Variants in RREB1 observed in about 807,000 individuals in gnomAD.
RREB1 encodes ras responsive element binding protein 1.
A neutral mutation model predicts 117.8 loss-of-function variants in RREB1; 27 were observed. The ratio of observed to expected loss-of-function variants is 0.23; its 90% confidence interval spans 0.17 to 0.32. RREB1 has a LOEUF of 0.32. Ranked by LOEUF, RREB1 falls within the 10% of genes least tolerant of loss-of-function variation. RREB1 has a pLI of 1.00. For synonymous variants in RREB1, 1,298 were observed against 1,026.7 expected (o/e 1.26, Z -5.05); for missense variants, 2,577 against 2,378.2 (o/e 1.08, Z -1.74).
intron 10 of RREB1, among the ~76,000 whole-genome samples, chr6:7,234,461 A>G (rs948622733): frequency 9.9e-5 from 15 of 151,938 alleles, no homozygotes; most frequent in Non-Finnish European, 1.9e-4. Context: ...GGTGCCTGAT[A>G]TGTGTTCCCA....
In RREB1 at chr6:7,236,351, G is replaced by T. The variant is rs571307858; in HGVS notation, c.3809-4087G>T. The stretch of plus-strand genomic sequence containing the variant: ...TGCTTTGAGCGCCTTTTTTGAGCCG[G>T]CTCAGGCTTTCCCCCCACACCCTTT... On this transcript the variant is annotated intron_variant, in intron 10 of 12. Coordinates refer to ENST00000379938, the MANE Select transcript of RREB1 (RefSeq NM_001003699.4). 2.3e-3 allele frequency among the ~76,000 whole-genome samples: 348 copies of T among 152,220 alleles called. 2 individuals are homozygous for T. The highest frequency in any genetic ancestry group is 7.9e-3 in the African/African-American group (330 of 41,522).
chr6:7,171,861 G>C (rs1485224472), intron 1 of RREB1, among the ~76,000 whole-genome samples: 1 of 152,144 alleles, frequency 6.6e-6, no homozygotes, highest in African/African-American at 2.4e-5. Flanking sequence ...TAACCAAGGG[G>C]ACTGGTGTGC....
intron 1 of RREB1, among the ~76,000 whole-genome samples, chr6:7,138,851 T>C (rs1477767431): frequency 6.6e-6 from 1 of 152,256 alleles, no homozygotes; most frequent in African/African-American, 2.4e-5. Flanking sequence ...TAATCCTCCG[T>C]AATAAGAGTA....
rs76881622 is a variant in RREB1, at chr6:7,204,871, A to G, written c.426-5933A>G. Among the ~76,000 whole-genome samples the G allele has an allele frequency of 3.9e-3, 591 of 152,354 alleles. 5 individuals carry two copies. The highest frequency in any genetic ancestry group is 0.014 in the African/African-American group (564 of 41,590). ...AATGTCTGAGACCTGCTCTGAGGGC[A>G]GCTATGACTAAGTAATCTTTGGTTT... On this transcript the variant is annotated intron_variant, in intron 6 of 12. Coordinates refer to ENST00000379938, the MANE Select transcript of RREB1 (RefSeq NM_001003699.4).
At chr6:7,218,433 A>G (rs1478002461) in intron 8 of RREB1, 1 of 122,400 alleles carries the variant, frequency 8.2e-6, no homozygotes, top group African/African-American at 4.6e-5. Flanking sequence ...TACTACTGTT[A>G]GTGAGCACTG....
chr6:7,208,468 G>T (rs904512721), intron 6 of RREB1, among the ~76,000 whole-genome samples: 1 of 152,246 alleles, frequency 6.6e-6, no homozygotes, highest in African/African-American at 2.4e-5. Flanking sequence ...TCATCAAGCG[G>T]CTGGAAGGAC....
rs571375500 is a variant in RREB1 at position 7,249,919 on chromosome 6, G to A, written c.*951G>A. 4.6e-5 allele frequency: 7 copies of A among 152,672 alleles called. No homozygotes were observed. In the Middle Eastern group the frequency reaches 0.017, roughly 371 times the overall value. 9.5% of individuals were successfully genotyped at this position (152,672 alleles called of 1,614,324 possible). ...GCCGCACCCAGGTCCCCGTGTTAAC[G>A]TGTGCCTGCGGTTGTGGTTGGCACC... is the stretch of plus-strand genomic sequence containing the variant. On this transcript the variant is annotated 3_prime_UTR_variant, in exon 13 of 13. Transcript: ENST00000379938.
intron 1 of RREB1, among the ~76,000 whole-genome samples, chr6:7,116,857 T>C (rs1469516999): frequency 6.6e-6 from 1 of 152,232 alleles, no homozygotes; most frequent in Admixed American, 6.5e-5. Flanking sequence ...TTACTAATTA[T>C]AACCATTTTT....
chr6:7,166,747 A>G (rs1246033666), intron 1 of RREB1, among the ~76,000 whole-genome samples: 7 of 152,168 alleles, frequency 4.6e-5, no homozygotes, highest in African/African-American at 1.7e-4. Context: ...AATTCTGGGA[A>G]TTCGAAGCCC....
intron 1 of RREB1, among the ~76,000 whole-genome samples, chr6:7,154,077 T>C (rs1314314606): frequency 1.3e-5 from 2 of 152,248 alleles, no homozygotes; most frequent in Admixed American, 1.3e-4. Flanking sequence ...CCAGGAAATA[T>C]GGAAGAATAT....
chr6:7,177,912 G>A (rs1764589619), intron 2 of RREB1, among the ~76,000 whole-genome samples: 1 of 152,068 alleles, frequency 6.6e-6, no homozygotes, highest in Admixed American at 6.6e-5. Flanking sequence ...TAGGGGAGAC[G>A]GGGTTTTGCC....
At chr6:7,156,292 C>T (rs1055956048) in intron 1 of RREB1, among the ~76,000 whole-genome samples, 1 of 152,208 alleles carries the variant, frequency 6.6e-6, no homozygotes, top group Non-Finnish European at 1.5e-5. Flanking sequence ...TGCTTAGGTA[C>T]TTCAGCAGAG....
chr6:7,147,083 C>A (rs768504520), intron 1 of RREB1, among the ~76,000 whole-genome samples: 1 of 152,132 alleles, frequency 6.6e-6, no homozygotes. Context: ...GTGGGTGGCT[C>A]GTGGAGAAGG....
intron 6 of RREB1, among the ~76,000 whole-genome samples, chr6:7,208,508 T>C (rs1262847693): frequency 1.3e-5 from 2 of 152,222 alleles, no homozygotes; most frequent in Non-Finnish European, 2.9e-5. Flanking sequence ...TTGTACCCGG[T>C]AGCTGGGGAT....
chr6:7,200,222 A>AT (rs2113587339), intron 6 of RREB1, among the ~76,000 whole-genome samples: 1 of 147,912 alleles, frequency 6.8e-6, no homozygotes, highest in East Asian at 2.0e-4. Flanking sequence ...GTGTGTGTAT[A>AT]TATATATATG....
intron 1 of RREB1, among the ~76,000 whole-genome samples, chr6:7,140,450 A>T (rs1413588392): frequency 6.6e-6 from 1 of 152,204 alleles, no homozygotes; most frequent in Non-Finnish European, 1.5e-5. Context: ...GTAACTCGTA[A>T]ACCAAGTGCT....
rs774952140 is a variant in RREB1 at position 7,230,500 on chromosome 6, G to A, written c.2401G>A (p.Ala801Thr). Residue 801 changes from alanine to threonine, a missense_variant, in exon 10 of 13, where the codon GCC (alanine) becomes ACC (threonine). Coordinates refer to ENST00000379938, the MANE Select transcript of RREB1 (RefSeq NM_001003699.4). ...CAAGGAGTGCAGCGCCGCGTTCGCG[G>A]CCAAGCGCAACTGCATCCACCACAT... ...ECKECSAAFAAKRNCIHHILK... is the reference protein window; with the variant it reads ...ECKECSAAFATKRNCIHHILK... The A allele has an allele frequency of 5.0e-6, 8 of 1,591,982 alleles. No individual in the cohort carries two copies. The East Asian group carries it at 1.3e-4, about 27-fold the overall frequency.
intron 6 of RREB1, among the ~76,000 whole-genome samples, chr6:7,209,418 G>A (rs183020911): frequency 3.3e-4 from 51 of 152,252 alleles, no homozygotes; most frequent in Non-Finnish European, 6.3e-4. Context: ...TCCTAATGCT[G>A]ATATTGAGGG....
intron 8 of RREB1, among the ~76,000 whole-genome samples, chr6:7,223,031 C>G (rs1445429383): frequency 6.6e-6 from 1 of 151,728 alleles, no homozygotes; most frequent in Admixed American, 6.6e-5. Flanking sequence ...AATTCAGGAG[C>G]ATTGCTTGAG....
Sources: gnomAD v4.1 joint callset for allele counts (sites outside exome capture counted in the v4.1 genomes callset) on GRCh38, gnomAD v4.1.1 for gene constraint, MANE v1.5 for transcripts, NCBI Gene and HGNC (gene_info 2026-07-23, HGNC 2026-07-21) for gene names.